FOXP1: variants seen among roughly 807,000 people sequenced by gnomAD.
FOXP1 encodes the protein forkhead box P1, also known as forkhead box protein P1.
In FOXP1, 15 loss-of-function variants were observed where a neutral mutation model predicts 98.2. The ratio of observed to expected loss-of-function variants is 0.15; its 90% confidence interval spans 0.10 to 0.24. The LOEUF (loss-of-function observed/expected upper bound fraction) is 0.24. Among genes scored for constraint, FOXP1 ranks in the 10% least tolerant of loss-of-function variants. The pLI is 1.00. For missense variants in FOXP1, 633 were observed against 848.5 expected (o/e 0.75, Z 3.15); for synonymous variants, 371 against 314.5 (o/e 1.18, Z -1.90).
At chr3:71,391,702 G>A (rs1364056215) in intron 3 of FOXP1, among the ~76,000 whole-genome samples, 1 of 152,224 alleles carries the variant, frequency 6.6e-6, no homozygotes, top group Non-Finnish European at 1.5e-5. Context: ...TTGGGCAGCT[G>A]ATGAAAAATT....
chr3:71,101,013 T>A (rs2056911035), intron 7 of FOXP1, among the ~76,000 whole-genome samples: 1 of 151,428 alleles, frequency 6.6e-6, no homozygotes, highest in South Asian at 2.1e-4. Context: ...GGGTGACGGG[T>A]TGGAAAAAGT....
intron 2 of FOXP1, among the ~76,000 whole-genome samples, chr3:71,575,587 C>A (rs1578246656): frequency 6.6e-6 from 1 of 152,328 alleles, no homozygotes; most frequent in East Asian, 1.9e-4. Flanking sequence ...TGCTCACCCC[C>A]AGGAGGGGAA....
chr3:71,467,890 G>A (rs2088933506), intron 3 of FOXP1, among the ~76,000 whole-genome samples: 2 of 152,168 alleles, frequency 1.3e-5, no homozygotes, highest in African/African-American at 4.8e-5. Flanking sequence ...CAGGGACCGT[G>A]CTTTGTGAGC....
chr3:71,561,982 C>T (rs1416939970), intron 2 of FOXP1, among the ~76,000 whole-genome samples: 1 of 152,142 alleles, frequency 6.6e-6, no homozygotes, highest in African/African-American at 2.4e-5. Flanking sequence ...TTCTAGACCA[C>T]TACAAAGTAC....
intron 3 of FOXP1, among the ~76,000 whole-genome samples, chr3:71,444,871 T>C (rs900352316): frequency 2.0e-5 from 3 of 151,886 alleles, no homozygotes; most frequent in African/African-American, 7.3e-5. Context: ...ACCCAAGGGA[T>C]TGGGGGGAGT....
chr3:71,080,371 T>C (rs986055610), intron 7 of FOXP1, among the ~76,000 whole-genome samples: 2 of 152,168 alleles, frequency 1.3e-5, no homozygotes, highest in South Asian at 4.1e-4. Flanking sequence ...TCTCTGGAGA[T>C]GACTGTTCCC....
At chr3:71,460,084 C>T (rs1385446995) in intron 3 of FOXP1, among the ~76,000 whole-genome samples, 1 of 151,868 alleles carries the variant, frequency 6.6e-6, no homozygotes, top group African/African-American at 2.4e-5. Flanking sequence ...CAGGCGCCCA[C>T]CACCATGCAC....
intron 6 of FOXP1, among the ~76,000 whole-genome samples, chr3:71,179,674 T>A (rs2062169555): frequency 6.6e-6 from 1 of 152,204 alleles, no homozygotes; most frequent in African/African-American, 2.4e-5. Flanking sequence ...ATCTATAATG[T>A]TCGATGGTGG....
chr3:71,421,572 G>A (rs1292321694), intron 3 of FOXP1, among the ~76,000 whole-genome samples: 3 of 152,062 alleles, frequency 2.0e-5, no homozygotes, highest in Non-Finnish European at 4.4e-5. Context: ...AAATGGCAGG[G>A]CATCCTATTT....
chr3:71,017,094 A>C (rs1056241808), intron 11 of FOXP1, among the ~76,000 whole-genome samples: 1 of 152,188 alleles, frequency 6.6e-6, no homozygotes, highest in African/African-American at 2.4e-5. Context: ...GAAAGGAATA[A>C]AACAAGGGAA....
At chr3:71,136,323 A>G (rs1334381949) in intron 6 of FOXP1, among the ~76,000 whole-genome samples, 1 of 152,216 alleles carries the variant, frequency 6.6e-6, no homozygotes, top group Non-Finnish European at 1.5e-5. Context: ...TTACTCCTTT[A>G]GCATAGTGTA....
At chr3:71,447,897 T>A (rs927504412) in intron 3 of FOXP1, among the ~76,000 whole-genome samples, 2 of 152,188 alleles carry the variant, frequency 1.3e-5, no homozygotes, top group Non-Finnish European at 2.9e-5. Flanking sequence ...TATGCAAGTA[T>A]AGAATCAGCC....
chr3:71,347,869 A>G (rs1227479710), intron 4 of FOXP1, among the ~76,000 whole-genome samples: 1 of 135,282 alleles, frequency 7.4e-6, no homozygotes, highest in African/African-American at 2.6e-5. Flanking sequence ...CAGCAACAAG[A>G]GCAAAACTCT....
At chr3:71,109,245 T>C (rs1274395164) in intron 7 of FOXP1, among the ~76,000 whole-genome samples, 1 of 152,180 alleles carries the variant, frequency 6.6e-6, no homozygotes, top group Middle Eastern at 3.2e-3. Context: ...TTAGACCAAA[T>C]TGGTGATGTT....
At chr3:71,062,005 A>G (rs2051568277) in intron 7 of FOXP1, among the ~76,000 whole-genome samples, 1 of 152,136 alleles carries the variant, frequency 6.6e-6, no homozygotes, top group African/African-American at 2.4e-5. Flanking sequence ...GTATCTTCCA[A>G]TTGTGTGGAG....
At chr3:70,980,513 G>C (rs1228179795) in intron 14 of FOXP1, among the ~76,000 whole-genome samples, 1 of 152,158 alleles carries the variant, frequency 6.6e-6, no homozygotes, top group East Asian at 1.9e-4. Context: ...CTGAGGCTTG[G>C]AGAGATTAAA....
At chr3:71,221,049 C>T (rs1224961504) in intron 5 of FOXP1, among the ~76,000 whole-genome samples, 4 of 151,990 alleles carry the variant, frequency 2.6e-5, no homozygotes, top group South Asian at 2.1e-4. Context: ...CATTTTAGAG[C>T]GGGGTCCCCA....
At chr3:71,471,109 G>T (rs540908818) in intron 3 of FOXP1, among the ~76,000 whole-genome samples, 48 of 152,226 alleles carry the variant, frequency 3.2e-4, no homozygotes, top group African/African-American at 1.1e-3. Flanking sequence ...ACAAAACATT[G>T]ATTCAACAAC....
At chr3:70,968,810 T>G (rs2035542315) in intron 19 of FOXP1, 1 of 152,236 alleles carries the variant, frequency 6.6e-6, no homozygotes, top group Admixed American at 6.5e-5. Context: ...AAGGAAGGCC[T>G]GCTGGCAGAA....
Sources: allele counts gnomAD v4.1 joint callset (sites outside exome capture counted in the v4.1 genomes callset), GRCh38; gene constraint gnomAD v4.1.1; transcripts MANE v1.5; gene names NCBI Gene and HGNC (gene_info 2026-07-23, HGNC 2026-07-21).